MCC: variants seen among roughly 807,000 people sequenced by gnomAD.
MCC encodes colorectal mutant cancer protein.
A neutral mutation model predicts 116.2 loss-of-function variants in MCC; 90 were observed. That is an observed-to-expected ratio of 0.77 (90% CI 0.65 to 0.92). The LOEUF is 0.92. MCC is among the 40% of genes least tolerant of loss of function. The probability of loss-of-function intolerance (pLI) is 0.00; values close to 1 mark genes in which losing one functional copy is unlikely to be tolerated. For synonymous variants in MCC, 578 were observed against 510.5 expected (o/e 1.13, Z -1.78); for missense variants, 1,516 against 1,312.2 (o/e 1.16, Z -2.40).
chr5:113,291,185 C>G (rs1196572907), intron 3 of MCC, among the ~76,000 whole-genome samples: 1 of 152,168 alleles, frequency 6.6e-6, no homozygotes, highest in Non-Finnish European at 1.5e-5. Context: ...TTGAAGTACA[C>G]ATGCAAAACA....
chr5:113,159,978 T>C (rs1156635101), intron 3 of MCC, among the ~76,000 whole-genome samples: 9 of 152,248 alleles, frequency 5.9e-5, no homozygotes, highest in Non-Finnish European at 1.5e-5. Context: ...TCCTTTTACC[T>C]GATAATTTCA....
At chr5:113,328,891 C>A (rs985738857) in intron 3 of MCC, among the ~76,000 whole-genome samples, 1 of 152,186 alleles carries the variant, frequency 6.6e-6, no homozygotes, top group Non-Finnish European at 1.5e-5. Flanking sequence ...TGAGACAGCA[C>A]TGCACCCTGT....
intron 3 of MCC, among the ~76,000 whole-genome samples, chr5:113,215,929 A>G (rs186846557): frequency 5.3e-5 from 8 of 152,290 alleles, no homozygotes; most frequent in Admixed American, 5.2e-4. Flanking sequence ...TGATCTCTCA[A>G]AGAAACCACC....
At chr5:113,148,474 A>G (rs1177568407) in intron 4 of MCC, among the ~76,000 whole-genome samples, 3 of 152,212 alleles carry the variant, frequency 2.0e-5, no homozygotes, top group Non-Finnish European at 4.4e-5. Context: ...TCTCTTGGTA[A>G]TGTCTGTTGA....
At chr5:113,072,351 G>GT (rs1434298072) in intron 11 of MCC, among the ~76,000 whole-genome samples, 1 of 152,168 alleles carries the variant, frequency 6.6e-6, no homozygotes, top group Non-Finnish European at 1.5e-5. Flanking sequence ...TCACTTCAAG[G>GT]TAAGGTGCCA....
intron 3 of MCC, among the ~76,000 whole-genome samples, chr5:113,291,618 T>C (rs991372203): frequency 1.9e-4 from 29 of 152,296 alleles, no homozygotes; most frequent in Middle Eastern, 3.4e-3. Context: ...CTAGACAGCA[T>C]TGAGGCTCCT....
chr5:113,041,538 G>A (rs760246115), intron 17 of MCC, among the ~76,000 whole-genome samples: 11 of 152,214 alleles, frequency 7.2e-5, no homozygotes, highest in Non-Finnish European at 1.3e-4. Flanking sequence ...CAGAACAGGA[G>A]GGGACCAAAT....
chr5:113,372,101 T>G (rs1362807046), intron 2 of MCC, among the ~76,000 whole-genome samples: 1 of 152,234 alleles, frequency 6.6e-6, no homozygotes, highest in Non-Finnish European at 1.5e-5. Flanking sequence ...ACAATTTCAT[T>G]GTGTTATGTG....
chr5:113,486,438 A>G (rs1433804120), intron 1 of MCC, among the ~76,000 whole-genome samples: 1 of 152,234 alleles, frequency 6.6e-6, no homozygotes, highest in African/African-American at 2.4e-5. Context: ...TAATGTGAGC[A>G]TTTATATAGA....
chr5:113,041,028 A>G (rs1451567986), intron 17 of MCC, among the ~76,000 whole-genome samples: 1 of 152,210 alleles, frequency 6.6e-6, no homozygotes, highest in Non-Finnish European at 1.5e-5. Context: ...CAGTTAAGTC[A>G]TTAGGATTTG....
rs377222007 is a variant in MCC, at chr5:113,340,762, G to C, written c.416-32C>G. ...CCGAGAGAAGCAGAGAAAATGAAAA[G>C]ACATTTCCTTCATTAGCCTGTGGGT... is the stretch of plus-strand genomic sequence containing the variant. On this transcript the variant is annotated intron_variant, in intron 2 of 18. Transcript: ENST00000408903. The C allele has an allele frequency of 3.0e-4, 477 of 1,589,264 alleles. 1 individual carries two copies. Among genetic ancestry groups the C allele is most frequent in the Non-Finnish European group, 4.0e-4 (469 of 1,161,948 alleles).
At chr5:113,139,923 T>C (rs946122996) in intron 5 of MCC, among the ~76,000 whole-genome samples, 1 of 152,088 alleles carries the variant, frequency 6.6e-6, no homozygotes. Flanking sequence ...AATTGACAAG[T>C]GGGATCTAAT....
chr5:113,311,831 G>A (rs1158891325), intron 3 of MCC, among the ~76,000 whole-genome samples: 1 of 152,158 alleles, frequency 6.6e-6, no homozygotes, highest in Non-Finnish European at 1.5e-5. Context: ...AATTAGGCTG[G>A]GCGCGGTGGC....
At chr5:113,483,377 A>G (rs1477165170) in intron 1 of MCC, among the ~76,000 whole-genome samples, 1 of 152,192 alleles carries the variant, frequency 6.6e-6, no homozygotes, top group Non-Finnish European at 1.5e-5. Flanking sequence ...CATCTTAACA[A>G]AAAGTTTTCC....
chr5:113,251,904 GC>G (rs1764818504), intron 3 of MCC, among the ~76,000 whole-genome samples: 2 of 152,144 alleles, frequency 1.3e-5, no homozygotes, highest in Admixed American at 6.5e-5. Context: ...GAGGGGACAT[GC>G]AAAAAGAAGA....
At chr5:113,271,436 C>G (rs1418498402) in intron 3 of MCC, among the ~76,000 whole-genome samples, 1 of 152,128 alleles carries the variant, frequency 6.6e-6, no homozygotes, top group Non-Finnish European at 1.5e-5. Context: ...GAAGAAGGTT[C>G]CTTATGATCA....
At chr5:113,230,196 CT>C (rs891950325) in intron 3 of MCC, among the ~76,000 whole-genome samples, 1 of 152,126 alleles carries the variant, frequency 6.6e-6, no homozygotes, top group Non-Finnish European at 1.5e-5. Flanking sequence ...TGGTTTTTTA[CT>C]TTTACTGTTA....
intron 2 of MCC, among the ~76,000 whole-genome samples, chr5:113,382,829 T>A (rs1769156466): frequency 6.6e-6 from 1 of 152,070 alleles, no homozygotes; most frequent in Non-Finnish European, 1.5e-5. Flanking sequence ...ACAGTAAGCA[T>A]CAGAAACAGG....
intron 5 of MCC, among the ~76,000 whole-genome samples, chr5:113,131,853 T>G (rs4705546): frequency 0.44 from 67,390 of 151,970 alleles, 17,852 homozygotes; most frequent in East Asian, 0.64. Flanking sequence ...CTGGGGAGAA[T>G]AGAGGGGTGG....
Sources: gnomAD v4.1 joint callset for allele counts (sites outside exome capture counted in the v4.1 genomes callset) on GRCh38, gnomAD v4.1.1 for gene constraint, MANE v1.5 for transcripts, NCBI Gene and HGNC (gene_info 2026-07-23, HGNC 2026-07-21) for gene names.